The following GRM5 variants were observed in gnomAD, a reference collection of about 807,000 sequenced individuals.
GRM5 encodes metabotropic glutamate receptor 5.
Under a neutral mutation model 83.1 loss-of-function variants are expected in GRM5, and 19 were observed. The ratio of observed to expected loss-of-function variants is 0.23; its 90% CI spans 0.16 to 0.34. The LOEUF is 0.34. Among genes scored for constraint, GRM5 ranks in the 10% least tolerant of loss-of-function variants. The pLI, the probability that GRM5 is intolerant of heterozygous loss-of-function variation, is 1.00. For missense variants in GRM5, 1,160 were observed against 1,588.3 expected (o/e 0.73, Z 4.58); for synonymous variants, 675 against 633.6 (o/e 1.07, Z -0.98).
chr11:88,639,919 G>C (rs949534079), intron 4 of GRM5, among the ~76,000 whole-genome samples: 1 of 152,038 alleles, frequency 6.6e-6, no homozygotes, highest in Admixed American at 6.6e-5. Flanking sequence ...TTTTGACAGT[G>C]GATATTCATC....
intron 3 of GRM5, among the ~76,000 whole-genome samples, chr11:88,675,527 G>A (rs2135338147): frequency 6.6e-6 from 1 of 151,950 alleles, no homozygotes; most frequent in South Asian, 2.1e-4. Flanking sequence ...GAGTATTTTG[G>A]TTAACAAAAT....
chr11:89,053,512 T>C (rs1272358781), intron 1 of GRM5, among the ~76,000 whole-genome samples: 6 of 152,198 alleles, frequency 3.9e-5, no homozygotes, highest in Admixed American at 3.9e-4. Flanking sequence ...GTGTTTTCTA[T>C]AAATGTTTAT....
intron 2 of GRM5, among the ~76,000 whole-genome samples, chr11:88,968,237 A>G (rs1019855420): frequency 6.6e-5 from 10 of 152,192 alleles, no homozygotes; most frequent in African/African-American, 2.4e-4. Context: ...GTCAGCTGGA[A>G]GAATATGAAA....
chr11:88,949,139 G>T (rs1938374987), intron 2 of GRM5, among the ~76,000 whole-genome samples: 1 of 152,208 alleles, frequency 6.6e-6, no homozygotes, highest in South Asian at 2.1e-4. Flanking sequence ...ACCACTAAGA[G>T]TAGGATTATG....
At chr11:88,652,363 T>C (rs72956722) in intron 4 of GRM5, among the ~76,000 whole-genome samples, 9,125 of 152,104 alleles carry the variant, frequency 0.06, 255 homozygotes, top group Middle Eastern at 0.071. Context: ...ATGATATAGA[T>C]AGATAAAGTA....
chr11:88,834,372 T>C (rs548328466), intron 3 of GRM5, among the ~76,000 whole-genome samples: 1 of 152,206 alleles, frequency 6.6e-6, no homozygotes, highest in East Asian at 1.9e-4. Flanking sequence ...ATTGAGAGAA[T>C]CTCTATAAAT....
chr11:88,597,531 C>T (rs990319236), intron 5 of GRM5, among the ~76,000 whole-genome samples, 179 bp from the exon 6 acceptor site: 3 of 152,006 alleles, frequency 2.0e-5, no homozygotes, highest in African/African-American at 7.2e-5. Flanking sequence ...TCTGCAGAGA[C>T]CATTTTTGTA....
At chr11:88,986,727 C>CTT (rs60281684) in intron 2 of GRM5, among the ~76,000 whole-genome samples, 4,612 of 93,008 alleles carry the variant, frequency 0.05, 479 homozygotes, top group African/African-American at 0.12. Context: ...TTTATTTTTG[C>CTT]TTTTTTTTTT....
chr11:88,985,296 A>C (rs1939668012), intron 2 of GRM5, among the ~76,000 whole-genome samples: 1 of 152,172 alleles, frequency 6.6e-6, no homozygotes, highest in African/African-American at 2.4e-5. Flanking sequence ...TTTTAGGTAC[A>C]TAATAAAAAT....
Position 88,573,450 on chromosome 11 carries a change from G to C in GRM5, c.1691-5458C>G, listed in dbSNP as rs545504978. Among the ~76,000 whole-genome samples, 10 of 152,242 alleles carry C rather than the reference G, an allele frequency of 6.6e-5. No homozygotes were observed. The South Asian group carries it at 1.9e-3, about 28-fold the overall frequency. On this transcript the variant is annotated intron_variant, in intron 7 of 9. Coordinates refer to ENST00000305447, the MANE Select transcript of GRM5 (RefSeq NM_001143831.3). ...TGTTCCAAGTGTCTCTTCAGGGAGA[G>C]ATGCCTGATGTTCTGTAAATTGGGC... is the stretch of plus-strand genomic sequence containing the variant.
chr11:88,907,157 A>G (rs1763098335), intron 2 of GRM5, among the ~76,000 whole-genome samples: 1 of 152,066 alleles, frequency 6.6e-6, no homozygotes, highest in African/African-American at 2.4e-5. Context: ...CTATATAATG[A>G]GGATGGTTAT....
intron 2 of GRM5, among the ~76,000 whole-genome samples, chr11:88,933,249 T>G (rs192726377): frequency 4.8e-5 from 7 of 147,020 alleles, no homozygotes; most frequent in Admixed American, 4.2e-4. Context: ...AGAATTGTGT[T>G]ATCCTTCTCC....
At chr11:88,755,205 G>T (rs1334579486) in intron 3 of GRM5, among the ~76,000 whole-genome samples, 2 of 152,134 alleles carry the variant, frequency 1.3e-5, no homozygotes, top group African/African-American at 4.8e-5. Flanking sequence ...AGAGCTTGGG[G>T]ATTCTCAAGA....
intron 7 of GRM5, among the ~76,000 whole-genome samples, chr11:88,570,571 A>ATATTTT (rs1405339448): frequency 8.6e-5 from 4 of 46,378 alleles, no homozygotes; most frequent in African/African-American, 2.7e-4. Flanking sequence ...ATATATATAT[A>ATATTTT]TTTTTTTTTT....
intron 2 of GRM5, among the ~76,000 whole-genome samples, chr11:88,861,829 C>T (rs1208395267): frequency 9.2e-5 from 14 of 152,064 alleles, no homozygotes; most frequent in Non-Finnish European, 1.6e-4. Context: ...TTGCTCAACT[C>T]CCCTCCAATG....
chr11:88,788,593 A>C (rs1943115764), intron 3 of GRM5, among the ~76,000 whole-genome samples: 1 of 152,176 alleles, frequency 6.6e-6, no homozygotes, highest in Non-Finnish European at 1.5e-5. Flanking sequence ...AACATAGTCC[A>C]ACTTGGCTCT....
At chr11:88,560,571 C>A (rs1412931023) in intron 8 of GRM5, among the ~76,000 whole-genome samples, 2 of 151,960 alleles carry the variant, frequency 1.3e-5, no homozygotes, top group Non-Finnish European at 2.9e-5. Flanking sequence ...ATTTTTAGGA[C>A]AAAGCATTAT....
intron 3 of GRM5, among the ~76,000 whole-genome samples, chr11:88,749,811 T>C (rs1371760890): frequency 1.3e-5 from 2 of 152,096 alleles, no homozygotes; most frequent in Non-Finnish European, 2.9e-5. Flanking sequence ...GGAAAGAAAT[T>C]CCAACCCAGA....
At chr11:89,041,493 T>C (rs1410187519) in intron 2 of GRM5, among the ~76,000 whole-genome samples, 1 of 152,170 alleles carries the variant, frequency 6.6e-6, no homozygotes, top group African/African-American at 2.4e-5. Flanking sequence ...TCATTAGAAA[T>C]GAATCTGAAT....
Sources: gnomAD v4.1 joint callset for allele counts (sites outside exome capture counted in the v4.1 genomes callset) on GRCh38, gnomAD v4.1.1 for gene constraint, MANE v1.5 for transcripts, NCBI Gene and HGNC (gene_info 2026-07-23, HGNC 2026-07-21) for gene names.